SAMD12: variants seen among roughly 807,000 people sequenced by gnomAD.
SAMD12 encodes the protein sterile alpha motif domain-containing protein 12.
Under a neutral mutation model 15.0 loss-of-function variants are expected in SAMD12, and 9 were observed. The observed-to-expected ratio is 0.60, with a 90% CI of 0.36 to 1.05. The LOEUF (loss-of-function observed/expected upper bound fraction) is 1.05, where lower values mean the gene tolerates loss of function less well. SAMD12 is among the 50% of genes least tolerant of loss of function. SAMD12 has a pLI of 0.01. For missense variants in SAMD12, 230 were observed against 234.2 expected (o/e 0.98, Z 0.12); for synonymous variants, 86 against 90.1 (o/e 0.96, Z 0.25).
the SAMD12 span, among the ~76,000 whole-genome samples, chr8:118,133,008 ATATATATATATATATATAT>A: frequency 9.4e-6 from 1 of 106,812 alleles, no homozygotes; most frequent in East Asian, 2.4e-4. Flanking sequence ...ATATATATAT[ATATATATATATATATATAT>A]CTTATTACTT....
chr8:118,149,896 G>T, the SAMD12 span, among the ~76,000 whole-genome samples: 11 of 151,820 alleles, frequency 7.2e-5, no homozygotes, highest in Admixed American at 5.2e-4. Flanking sequence ...ATACATACGG[G>T]TCTATTTTTG....
intron 2 of SAMD12, among the ~76,000 whole-genome samples, chr8:118,541,927 T>C (rs1426995357): frequency 6.6e-6 from 1 of 152,178 alleles, no homozygotes; most frequent in Non-Finnish European, 1.5e-5. Flanking sequence ...CCTTAAGTGA[T>C]TCTCCTGTAA....
At chr8:118,310,668 CAG>C (rs1382792136) in intron 4 of SAMD12, among the ~76,000 whole-genome samples, 1 of 152,254 alleles carries the variant, frequency 6.6e-6, no homozygotes, top group South Asian at 2.1e-4. Flanking sequence ...CTTGTTGAGG[CAG>C]AGAGAGAGTT....
At chr8:118,169,987 T>C in the SAMD12 span, among the ~76,000 whole-genome samples, 6 of 152,204 alleles carry the variant, frequency 3.9e-5, no homozygotes, top group Non-Finnish European at 7.4e-5. Context: ...AATTTCATGT[T>C]TGTGGTGGGC....
intron 2 of SAMD12, among the ~76,000 whole-genome samples, chr8:118,546,395 C>G (rs1826124671): frequency 6.6e-6 from 1 of 152,000 alleles, no homozygotes; most frequent in Non-Finnish European, 1.5e-5. Flanking sequence ...GGCAGCCCAC[C>G]CGAGCTTTGT....
intron 2 of SAMD12, among the ~76,000 whole-genome samples, chr8:118,551,464 T>C (rs1211962340): frequency 6.6e-6 from 1 of 151,858 alleles, no homozygotes; most frequent in Admixed American, 6.6e-5. Flanking sequence ...AATAAAGATG[T>C]TCTTTGAAAC....
chr8:118,209,249 G>A (rs1454701640), intron 4 of SAMD12, among the ~76,000 whole-genome samples: 3 of 152,150 alleles, frequency 2.0e-5, no homozygotes, highest in Non-Finnish European at 2.9e-5. Context: ...AGAAAAAAGA[G>A]CTCAAGTCGA....
intron 4 of SAMD12, among the ~76,000 whole-genome samples, chr8:118,346,523 G>A (rs964875714): frequency 6.6e-6 from 1 of 152,198 alleles, no homozygotes; most frequent in African/African-American, 2.4e-5. Flanking sequence ...TAACTTGTGG[G>A]ATTGAACAGC....
At chr8:118,529,633 G>A (rs956071653) in intron 2 of SAMD12, among the ~76,000 whole-genome samples, 1 of 152,136 alleles carries the variant, frequency 6.6e-6, no homozygotes, top group African/African-American at 2.4e-5. Flanking sequence ...ATTTATAAGT[G>A]AGAACATGCA....
intron 2 of SAMD12, among the ~76,000 whole-genome samples, chr8:118,483,932 C>T (rs868194337): frequency 6.6e-6 from 1 of 152,202 alleles, no homozygotes; most frequent in Non-Finnish European, 1.5e-5. Context: ...CAAGCGCCAA[C>T]TCTATGTTAA....
chr8:118,544,526 AAGTC>A (rs1396502251), intron 2 of SAMD12, among the ~76,000 whole-genome samples: 2 of 152,188 alleles, frequency 1.3e-5, no homozygotes, highest in Admixed American at 6.5e-5. Context: ...CGAGGGCTGA[AAGTC>A]AGTCAAAGAG....
intron 2 of SAMD12, among the ~76,000 whole-genome samples, chr8:118,536,311 A>C (rs1225371633): frequency 1.3e-5 from 2 of 151,914 alleles, no homozygotes; most frequent in African/African-American, 4.8e-5. Context: ...CTTTCTCCCT[A>C]CCTGTAGATT....
intron 4 of SAMD12, among the ~76,000 whole-genome samples, chr8:118,237,283 G>A (rs1033594863): frequency 1.3e-5 from 2 of 150,444 alleles, no homozygotes; most frequent in East Asian, 1.9e-4. Flanking sequence ...ACTAATGATC[G>A]TACCTACCTT....
chr8:118,147,315 A>C, the SAMD12 span, among the ~76,000 whole-genome samples: 1 of 150,852 alleles, frequency 6.6e-6, no homozygotes, highest in African/African-American at 2.4e-5. Flanking sequence ...GTGAGCCACC[A>C]CACCCAGCCA....
chr8:118,299,105 G>A (rs1446756896), intron 4 of SAMD12, among the ~76,000 whole-genome samples: 1 of 152,140 alleles, frequency 6.6e-6, no homozygotes, highest in Non-Finnish European at 1.5e-5. Flanking sequence ...GACATCAAAA[G>A]GGGTGATGAT....
At chr8:118,525,984 C>T (rs1413858465) in intron 2 of SAMD12, among the ~76,000 whole-genome samples, 1 of 152,192 alleles carries the variant, frequency 6.6e-6, no homozygotes, top group Non-Finnish European at 1.5e-5. Context: ...AAGAATCTAA[C>T]TGTATTTTAT....
At chr8:118,575,992 C>CTT (rs567459009) in intron 2 of SAMD12, among the ~76,000 whole-genome samples, 1 of 147,494 alleles carries the variant, frequency 6.8e-6, no homozygotes, top group African/African-American at 2.5e-5. Context: ...AGTATTTCGA[C>CTT]TTTTTTTTTT....
intron 4 of SAMD12, among the ~76,000 whole-genome samples, chr8:118,278,669 A>C (rs568052302): frequency 6.6e-6 from 1 of 152,352 alleles, no homozygotes; most frequent in African/African-American, 2.4e-5. Flanking sequence ...TAACATACCT[A>C]GAGCCAGCCC....
At chr8:118,158,067 G>A in the SAMD12 span, among the ~76,000 whole-genome samples, 22 of 152,308 alleles carry the variant, frequency 1.4e-4, no homozygotes, top group African/African-American at 5.1e-4. Context: ...AAGCTTTCAA[G>A]CAGCTATAGT....
Sources: allele counts gnomAD v4.1 joint callset (sites outside exome capture counted in the v4.1 genomes callset), GRCh38; gene constraint gnomAD v4.1.1; transcripts MANE v1.5; gene names NCBI Gene and HGNC (gene_info 2026-07-23, HGNC 2026-07-21).